Variants in MKX observed in about 807,000 individuals in gnomAD.
MKX encodes the protein mohawk homeobox, also known as homeobox protein Mohawk.
A neutral mutation model predicts 36.0 loss-of-function variants in MKX; 13 were observed. The observed-to-expected ratio is 0.36, with a 90% CI of 0.24 to 0.57. The LOEUF is 0.57. MKX is among the 20% of genes least tolerant of loss of function. The pLI, the probability that MKX is intolerant of heterozygous loss-of-function variation, is 0.79. For missense variants in MKX, 458 were observed against 456.4 expected (o/e 1.00, Z -0.03); for synonymous variants, 176 against 178.3 (o/e 0.99, Z 0.10).
At chr10:27,675,480 C>T (rs781064889) in intron 6 of MKX, 41 bp downstream of exon 6, 5 of 1,614,068 alleles carry the variant, frequency 3.1e-6, no homozygotes, top group Non-Finnish European at 4.2e-6. Flanking sequence ...AAAATGCCAT[C>T]GCTGAAAAGC....
intron 5 of MKX, among the ~76,000 whole-genome samples, chr10:27,732,342 A>G (rs1207107733): frequency 6.6e-6 from 1 of 152,172 alleles, no homozygotes; most frequent in Non-Finnish European, 1.5e-5. Context: ...TTGGCCATTT[A>G]AAACTTTTCT....
Position 27,735,381 on chromosome 10 carries a change from C to T in MKX, c.349-7G>A. The stretch of plus-strand genomic sequence containing the variant: ...TAGCAAACCAATTTGACACCTAAAA[C>T]AGTATTATTTTTCAATTAACAAAAC... On this transcript the variant is annotated splice_region_variant and splice_polypyrimidine_tract_variant and intron_variant, in intron 3 of 6. Transcript: ENST00000419761. 1 of 1,601,272 alleles carries T rather than the reference C, an allele frequency of 6.2e-7. No individual in the cohort carries two copies.
chr10:27,720,991 A>T (rs1169572509), intron 5 of MKX, among the ~76,000 whole-genome samples: 2 of 152,162 alleles, frequency 1.3e-5, no homozygotes, highest in East Asian at 3.8e-4. Context: ...AACAAATAAA[A>T]ATCCAGAAAT....
chr10:27,687,025 A>G (rs1244810088), intron 5 of MKX, among the ~76,000 whole-genome samples: 1 of 150,610 alleles, frequency 6.6e-6, no homozygotes, highest in Non-Finnish European at 1.5e-5. Context: ...TTTTTTTTGA[A>G]ACGGAGTCTC....
chr10:27,697,837 G>T (rs1275288931), intron 5 of MKX, among the ~76,000 whole-genome samples: 1 of 152,164 alleles, frequency 6.6e-6, no homozygotes, highest in Non-Finnish European at 1.5e-5. Flanking sequence ...TTGGAGCAAT[G>T]GCAGGGATAA....
intron 5 of MKX, among the ~76,000 whole-genome samples, chr10:27,698,702 T>C (rs564628160): frequency 1.3e-5 from 2 of 152,326 alleles, no homozygotes; most frequent in African/African-American, 4.8e-5. Context: ...TGTGTAGCTG[T>C]TGATGTACTC....
intron 5 of MKX, among the ~76,000 whole-genome samples, chr10:27,677,301 A>AC (rs1305393880): frequency 6.6e-6 from 1 of 151,702 alleles, no homozygotes; most frequent in East Asian, 1.9e-4. Context: ...CCTTCCTTTT[A>AC]CGCCCCCTGC....
At position 27,743,327 on chromosome 10, in the gene MKX, T is replaced by G. The variant is rs775189155; in HGVS notation, c.89A>C (p.Tyr30Ser). 35 of 1,585,434 alleles carry G rather than the reference T, an allele frequency of 2.2e-5. 1 individual carries two copies. The Admixed American group carries it at 5.4e-4, about 24-fold the overall frequency. The change falls in exon 2 of 7, where the codon TAC becomes TCC. Residue 30 changes from tyrosine (Y) to serine (S), a missense_variant. By Grantham distance (144) the Tyr-to-Ser change is moderately radical (BLOSUM62 -2). Coordinates refer to ENST00000419761, the MANE Select transcript of MKX (RefSeq NM_173576.3). ...ASERERGGRP[Y>S]SGVLDSPHAR... ...GTGAGGACTGTCCAGGACACCGCTG[T>G]AGGGCCGGCCACCCCGCTCCCGCTC...
chr10:27,677,741 C>T (rs1836180435), intron 5 of MKX, among the ~76,000 whole-genome samples: 1 of 152,198 alleles, frequency 6.6e-6, no homozygotes, highest in Non-Finnish European at 1.5e-5. Context: ...GTGAAGAACA[C>T]ATGAGATCAT....
chr10:27,679,314 A>G (rs1364237267), intron 5 of MKX, among the ~76,000 whole-genome samples: 1 of 152,144 alleles, frequency 6.6e-6, no homozygotes, highest in Non-Finnish European at 1.5e-5. Context: ...GTAATGGAGA[A>G]TAGTGTGAAA....
At chr10:27,711,689 A>G (rs978664306) in intron 5 of MKX, among the ~76,000 whole-genome samples, 30 of 149,082 alleles carry the variant, frequency 2.0e-4, no homozygotes, top group African/African-American at 6.7e-4. Context: ...CTGCTGCCTC[A>G]ATCCCTCCCC....
At chr10:27,687,715 C>T (rs1381834174) in intron 5 of MKX, among the ~76,000 whole-genome samples, 1 of 152,224 alleles carries the variant, frequency 6.6e-6, no homozygotes, top group Non-Finnish European at 1.5e-5. Context: ...CATAGTCCCA[C>T]TTTCCAAGAT....
At chr10:27,743,172 C>A (rs1834949345) in intron 2 of MKX, 56 bp downstream of exon 2, 1 of 1,387,616 alleles carries the variant, frequency 7.2e-7, no homozygotes, top group Non-Finnish European at 9.3e-7. Context: ...TCACAGCTCA[C>A]CACCCCCACC....
chr10:27,702,914 A>G (rs1295491466), intron 5 of MKX, among the ~76,000 whole-genome samples: 2 of 152,214 alleles, frequency 1.3e-5, no homozygotes, highest in African/African-American at 4.8e-5. Flanking sequence ...CTTCCAGCTC[A>G]GTCAGGAAGT....
chr10:27,720,169 C>G (rs989671962), intron 5 of MKX, among the ~76,000 whole-genome samples: 6 of 151,948 alleles, frequency 3.9e-5, no homozygotes, highest in Non-Finnish European at 8.8e-5. Context: ...GATCCTTTCA[C>G]AAGTGAATTC....
intron 5 of MKX, among the ~76,000 whole-genome samples, chr10:27,727,737 T>G (rs1460856787): frequency 6.6e-6 from 1 of 152,232 alleles, no homozygotes; most frequent in Non-Finnish European, 1.5e-5. Context: ...GGCTCTTTAT[T>G]CAAAGGAGTG....
chr10:27,679,978 C>T (rs868339283), intron 5 of MKX, among the ~76,000 whole-genome samples: 1 of 152,082 alleles, frequency 6.6e-6, no homozygotes, highest in African/African-American at 2.4e-5. Flanking sequence ...CACATCTGTC[C>T]ACTGCTGACA....
intron 5 of MKX, among the ~76,000 whole-genome samples, chr10:27,725,480 C>A (rs1191330793): frequency 6.6e-6 from 1 of 151,844 alleles, no homozygotes; most frequent in African/African-American, 2.4e-5. Flanking sequence ...TAAATGATAT[C>A]ATTTATAATG....
intron 5 of MKX, among the ~76,000 whole-genome samples, chr10:27,694,879 C>A (rs1449444596): frequency 3.4e-5 from 5 of 147,584 alleles, no homozygotes; most frequent in African/African-American, 7.6e-5. Context: ...AAAGCACAAA[C>A]AAATTGCCTT....
Sources: gnomAD v4.1 joint callset for allele counts (sites outside exome capture counted in the v4.1 genomes callset) on GRCh38, gnomAD v4.1.1 for gene constraint, MANE v1.5 for transcripts, NCBI Gene and HGNC (gene_info 2026-07-23, HGNC 2026-07-21) for gene names.